The following PTPRO variants were observed in gnomAD, a reference collection of about 807,000 sequenced individuals.
PTPRO encodes the protein receptor-type tyrosine-protein phosphatase O.
Under a neutral mutation model 145.2 loss-of-function variants are expected in PTPRO, and 62 were observed. That is an observed-to-expected ratio of 0.43 (90% CI 0.35 to 0.53). PTPRO has a LOEUF of 0.53. PTPRO is among the 20% of genes least tolerant of loss of function. The probability of loss-of-function intolerance (pLI) is 0.01; values close to 1 mark genes in which losing one functional copy is unlikely to be tolerated. For missense variants in PTPRO, 1,345 were observed against 1,482.7 expected, an observed-to-expected ratio of 0.91 and a Z score of 1.53; for synonymous variants, 565 against 514.7, an observed-to-expected ratio of 1.10 and a Z score of -1.32.
At position 15,580,998 on chromosome 12, in the gene PTPRO, CA is replaced by C. The variant is rs1944300090; in HGVS notation, c.3132+168del. 2.0e-5 allele frequency among the ~76,000 whole-genome samples: 3 copies of C among 152,330 alleles called. No homozygotes were observed. In the South Asian group the frequency reaches 6.2e-4, roughly 32 times the overall value. ...GAATTAGAATTTGGGGGTAAACACA[CA>C]GACCCGGTGGTCTTTGCAATGTCTA... On this transcript the variant is annotated intron_variant, in intron 22 of 26. Transcript: ENST00000281171.
At chr12:15,492,877 G>A (rs1199400304) in intron 2 of PTPRO, among the ~76,000 whole-genome samples, 1 of 151,922 alleles carries the variant, frequency 6.6e-6, no homozygotes, top group East Asian at 1.9e-4. Flanking sequence ...AAAGAAGGAG[G>A]GAATGGTGGG....
In PTPRO at chr12:15,497,380, A is replaced by T. The variant is rs138083650; in HGVS notation, c.485A>T (p.Asp162Val). 5.6e-6 allele frequency: 9 copies of T among 1,613,556 alleles called. No individual in the cohort carries two copies. The South Asian group carries it at 8.8e-5, about 16-fold the overall frequency. The change falls in exon 3 of 27, where the codon GAC becomes GTC. Residue 162 changes from aspartate to valine, a missense_variant. Physicochemically the swap from Asp to Val is radical, Grantham distance 152 (BLOSUM62 -3). This residue lies in a region of PTPRO where 1,130 missense variants were observed against 1,214.7 expected (regional missense o/e 0.93). Coordinates refer to ENST00000281171, the MANE Select transcript of PTPRO (RefSeq NM_030667.3). ...AACATTAGCTACTGGGAAGGTAAAG[A>T]CTTCCGGACAATGCTATATAAAGGT... ...RVNISYWEGK[D>V]FRTMLYKDFF...
intron 1 of PTPRO, among the ~76,000 whole-genome samples, chr12:15,387,533 T>A (rs1446829062): frequency 6.6e-6 from 1 of 152,182 alleles, no homozygotes; most frequent in Non-Finnish European, 1.5e-5. Flanking sequence ...AACCCCTCAG[T>A]GAAGTCCTCC....
intron 1 of PTPRO, among the ~76,000 whole-genome samples, chr12:15,444,451 A>G (rs1297132435): frequency 6.6e-6 from 1 of 152,120 alleles, no homozygotes; most frequent in Non-Finnish European, 1.5e-5. Context: ...ATATATCCAG[A>G]TAACAAACCT....
intron 1 of PTPRO, among the ~76,000 whole-genome samples, chr12:15,390,942 T>C (rs1939172766): frequency 6.6e-6 from 1 of 152,212 alleles, no homozygotes; most frequent in African/African-American, 2.4e-5. Context: ...AGGGTCCTTT[T>C]GCTGGTTTTC....
chr12:15,461,347 C>A (rs990386119), intron 1 of PTPRO, among the ~76,000 whole-genome samples: 2 of 152,064 alleles, frequency 1.3e-5, no homozygotes, highest in Admixed American at 1.3e-4. Context: ...TTGATTGAAG[C>A]CTCATGTCTC....
At chr12:15,409,192 C>T (rs1939727212) in intron 1 of PTPRO, among the ~76,000 whole-genome samples, 1 of 152,052 alleles carries the variant, frequency 6.6e-6, no homozygotes, top group Admixed American at 6.6e-5. Context: ...TATTATGCTG[C>T]GTCAAAACAG....
chr12:15,530,469 T>C (rs755104891), intron 12 of PTPRO, among the ~76,000 whole-genome samples: 11 of 152,188 alleles, frequency 7.2e-5, no homozygotes, highest in Non-Finnish European at 1.3e-4. Context: ...ATATATCATA[T>C]CTTAGGACAC....
chr12:15,589,240 G>A (rs772657832), intron 24 of PTPRO, among the ~76,000 whole-genome samples: 3 of 152,108 alleles, frequency 2.0e-5, no homozygotes, highest in Non-Finnish European at 4.4e-5. Context: ...GCCAGGAATG[G>A]TGGCACATAC....
rs567989094 is a variant in PTPRO, at chr12:15,353,234, C to G, written c.75+30433C>G. Among the ~76,000 whole-genome samples the G allele has an allele frequency of 2.6e-5, 4 of 152,206 alleles. No individual in the cohort carries two copies. The South Asian group carries it at 8.3e-4, about 32-fold the overall frequency. On this transcript the variant is annotated intron_variant, in intron 1 of 26. Transcript: ENST00000281171. Reference sequence around the variant, plus strand: ...CATCTACCCCACCCTACCCACCACACACACGTAAGAGGACTTCAAAAAGTT... The same window carrying G: ...CATCTACCCCACCCTACCCACCACAGACACGTAAGAGGACTTCAAAAAGTT...
intron 1 of PTPRO, among the ~76,000 whole-genome samples, chr12:15,399,329 G>A (rs1353805708): frequency 6.6e-6 from 1 of 152,158 alleles, no homozygotes; most frequent in African/African-American, 2.4e-5. Context: ...TGTACTGGTG[G>A]TATTGCTCTG....
At chr12:15,522,389 T>C (rs975150082) in intron 10 of PTPRO, among the ~76,000 whole-genome samples, 3 of 151,908 alleles carry the variant, frequency 2.0e-5, no homozygotes, top group African/African-American at 7.3e-5. Context: ...ATACATTAGG[T>C]ATTTGTCCTA....
chr12:15,389,089 G>A (rs1418916155), intron 1 of PTPRO, among the ~76,000 whole-genome samples: 2 of 150,212 alleles, frequency 1.3e-5, no homozygotes, highest in African/African-American at 2.5e-5. Context: ...ACCCTGTCTC[G>A]AAAATAAATA....
At chr12:15,374,960 G>A (rs1938637387) in intron 1 of PTPRO, among the ~76,000 whole-genome samples, 1 of 152,150 alleles carries the variant, frequency 6.6e-6, no homozygotes, top group Non-Finnish European at 1.5e-5. Flanking sequence ...GAAGGCAAAG[G>A]CAGAATTTAA....
Position 15,513,209 on chromosome 12 carries a change from G to GAA in PTPRO, c.1465-2287_1465-2286dup, listed in dbSNP as rs1462958313. 3.4e-5 allele frequency among the ~76,000 whole-genome samples: 4 copies of GAA among 118,756 alleles called. 1 individual carries two copies. Among genetic ancestry groups the GAA allele is most frequent in the African/African-American group, 1.4e-4 (4 of 29,370 alleles). 77.9% of individuals were successfully genotyped at this position (118,756 alleles called of 152,430 possible). A position where few individuals can be genotyped will look rare whatever the true frequency, so the allele number is the denominator to read the frequency against. The stretch of plus-strand genomic sequence containing the variant: ...AGAAAGAAAGAAAGAAAGAAAGAAA[G>GAA]AAAGAAAGAAAGAAAGAAAAGAAAG... On this transcript the variant is annotated intron_variant, in intron 7 of 26. Coordinates refer to ENST00000281171, the MANE Select transcript of PTPRO (RefSeq NM_030667.3).
chr12:15,552,410 A>C (rs921802354), intron 15 of PTPRO, among the ~76,000 whole-genome samples: 1 of 152,200 alleles, frequency 6.6e-6, no homozygotes, highest in Non-Finnish European at 1.5e-5. Context: ...TAACCTGCTG[A>C]ATTATAAATT....
At chr12:15,443,711 A>G (rs1285191789) in intron 1 of PTPRO, among the ~76,000 whole-genome samples, 1 of 152,094 alleles carries the variant, frequency 6.6e-6, no homozygotes, top group Non-Finnish European at 1.5e-5. Context: ...GCCTCAAAAG[A>G]AGACACACAA....
Position 15,322,570 on chromosome 12 carries a change from G to C in PTPRO, c.-157G>C, listed in dbSNP as rs1009160175. The C allele has an allele frequency of 2.0e-5, 14 of 699,486 alleles. No individual in the cohort carries two copies. Among genetic ancestry groups the C allele is most frequent in the African/African-American group, 5.3e-5 (3 of 56,266 alleles). 43.3% of individuals were successfully genotyped at this position (699,486 alleles called of 1,614,324 possible). A position where few individuals can be genotyped will look rare whatever the true frequency, so the allele number is the denominator to read the frequency against. On this transcript the variant is annotated 5_prime_UTR_variant, in exon 1 of 27. Transcript: ENST00000281171. The surrounding 1 kb of genome is among the most constrained non-coding windows in gnomAD (Gnocchi z 6.3). ...AGGACCCCGGGCGCAGAGGAGGAAA[G>C]GGAGCAGGCGCAGGGGGACTGGAAA...
intron 12 of PTPRO, among the ~76,000 whole-genome samples, chr12:15,533,569 A>G (rs1263657054): frequency 6.6e-6 from 1 of 152,194 alleles, no homozygotes; most frequent in Non-Finnish European, 1.5e-5. Context: ...ATTGCAGTTA[A>G]TATTTAATCG....
Sources: allele counts gnomAD v4.1 joint callset (sites outside exome capture counted in the v4.1 genomes callset), GRCh38; gene constraint gnomAD v4.1.1; regional missense constraint gnomAD v4.1.1; non-coding constraint Gnocchi (gnomAD v3.1); transcripts MANE v1.5; gene names NCBI Gene and HGNC (gene_info 2026-07-23, HGNC 2026-07-21).